The following PFN1 variants were observed in gnomAD, a reference collection of about 807,000 sequenced individuals.
PFN1 encodes the protein profilin 1.
In PFN1, 2 loss-of-function variants were observed where a neutral mutation model predicts 11.7. That is an observed-to-expected ratio of 0.17 (90% CI 0.07 to 0.54). PFN1 has a LOEUF of 0.54. Among genes scored for constraint, PFN1 ranks in the 20% least tolerant of loss-of-function variants. The probability of loss-of-function intolerance (pLI) is 0.94; values close to 1 mark genes in which losing one functional copy is unlikely to be tolerated. For synonymous variants in PFN1, 78 were observed against 76.2 expected (o/e 1.02, Z -0.12); for missense variants, 97 against 188.4 (o/e 0.51, Z 2.84).
chr17:4,945,936 A>T lies in PFN1; in HGVS notation c.387T>A (p.Tyr129Ter). 1 of 1,613,182 alleles carries T rather than the reference A, an allele frequency of 6.2e-7. No individual in the cohort carries two copies. The highest frequency in any genetic ancestry group is 8.5e-7 in the Non-Finnish European group (1 of 1,179,086). ...VHGGLINKKC[Y>*]EMASHLRRSQ... is the part of the protein sequence containing the mutation. Reference sequence around the variant, plus strand: ...AACGCCGAAGGTGGGAGGCCATTTCATAACATTTCTTGTTGATCAAACCAC... The same window carrying T: ...AACGCCGAAGGTGGGAGGCCATTTCTTAACATTTCTTGTTGATCAAACCAC... The change falls in exon 3 of 3, where the codon TAT becomes TAA. Residue 129 changes from tyrosine to a stop codon, truncating the protein, a stop_gained. Coordinates refer to ENST00000225655, the MANE Select transcript of PFN1 (RefSeq NM_005022.4). LOFTEE classifies it high-confidence loss of function.
intron 1 of PFN1, 75 bp downstream of exon 1, chr17:4,948,188 G>GC: frequency 1.3e-6 from 2 of 1,482,424 alleles, no homozygotes; most frequent in Non-Finnish European, 1.8e-6. Flanking sequence ...CCTAGACCGC[G>GC]CCCGCCCCCA....
In PFN1 at chr17:4,946,827, G is replaced by A. The variant is rs372420207; in HGVS notation, c.133-7C>T. The A allele has an allele frequency of 5.6e-6, 9 of 1,607,062 alleles. No individual in the cohort carries two copies. The African/African-American group carries it at 9.4e-5, about 17-fold the overall frequency. On this transcript the variant is annotated splice_polypyrimidine_tract_variant and splice_region_variant and intron_variant, in intron 1 of 2. Coordinates refer to ENST00000225655, the MANE Select transcript of PFN1 (RefSeq NM_005022.4). ...GGACACCCACCTCAGCTGGCTGGAA[G>A]AGGAACCAAGCGCCCATCAAGTTAG...
At position 4,946,620 on chromosome 17, in the gene PFN1, G is replaced by A; in HGVS notation, c.325+8C>T. The A allele has an allele frequency of 6.2e-7, 1 of 1,600,978 alleles. No individual in the cohort carries two copies. The highest frequency in any genetic ancestry group is 1.3e-5 in the African/African-American group (1 of 74,680). On this transcript the variant is annotated splice_region_variant and intron_variant, in intron 2 of 2. Transcript: ENST00000225655. ...GAGCTAAAGGAAGGGTAAGACTCAG[G>A]AACTCACTCTTGTCAGTCTTGGTGA... is the stretch of plus-strand genomic sequence containing the variant.
intron 2 of PFN1, among the ~76,000 whole-genome samples, chr17:4,946,369 A>G (rs116049647): frequency 1.9e-3 from 291 of 152,336 alleles, no homozygotes; most frequent in African/African-American, 6.6e-3. Flanking sequence ...ATACTCCTAG[A>G]AAACAGTTTC....
chr17:4,947,714 A>T (rs557401653), intron 1 of PFN1, among the ~76,000 whole-genome samples: 1 of 151,906 alleles, frequency 6.6e-6, no homozygotes, highest in South Asian at 2.1e-4. Flanking sequence ...GTTGAATCCA[A>T]CGTGCTGAGC....
intron 1 of PFN1, chr17:4,948,060 G>T: frequency 2.0e-6 from 1 of 506,860 alleles, no homozygotes; most frequent in Non-Finnish European, 3.3e-6. Context: ...TAGCGGGCGG[G>T]ATGGGCGCCG....
At chr17:4,946,132 C>T in intron 2 of PFN1, 135 bp from the exon 3 acceptor site, 1 of 629,748 alleles carries the variant, frequency 1.6e-6, no homozygotes, top group South Asian at 1.8e-5. Flanking sequence ...CCCCACCACA[C>T]ACAGGCAGGC....
chr17:4,947,099 A>G, intron 1 of PFN1: 1 of 246,360 alleles, frequency 4.1e-6, no homozygotes, highest in Non-Finnish European at 7.8e-6. Flanking sequence ...TTAATGGGGA[A>G]AGTAAACCCA....
At chr17:4,946,264 G>A (rs1212811349) in intron 2 of PFN1, among the ~76,000 whole-genome samples, 1 of 152,142 alleles carries the variant, frequency 6.6e-6, no homozygotes, top group Non-Finnish European at 1.5e-5. Flanking sequence ...ATGTGTTCAG[G>A]CTAGAAAGGG....
intron 2 of PFN1, 114 bp downstream of exon 2, chr17:4,946,514 T>G: frequency 1.3e-6 from 1 of 766,062 alleles, no homozygotes; most frequent in Non-Finnish European, 2.1e-6. Flanking sequence ...AACACAATAC[T>G]GGTCTGACTC....
intron 2 of PFN1, among the ~76,000 whole-genome samples, chr17:4,946,402 G>A (rs1475476879): frequency 1.3e-5 from 2 of 152,176 alleles, no homozygotes; most frequent in African/African-American, 4.8e-5. Flanking sequence ...AAGGCAGTAA[G>A]TAATTTAAGA....
chr17:4,948,509 G>C lies in PFN1; in HGVS notation c.-115C>G, dbSNP rs762660380. 7.4e-6 allele frequency: 9 copies of C among 1,210,566 alleles called. No homozygotes were observed. In the African/African-American group the frequency reaches 9.7e-5, roughly 13 times the overall value. The allele number at this position is 1,210,566 out of a possible 1,614,324, so 75.0% of individuals were successfully genotyped here. A position where few individuals can be genotyped will look rare whatever the true frequency, so the allele number is the denominator to read the frequency against. On this transcript the variant is annotated 5_prime_UTR_variant, in exon 1 of 3. Transcript: ENST00000225655. ...GAGCTCGGGGCACGCGCTGCCGTCC[G>C]GACCGCGGCTCCGCTCGCTGTGCAG...
At chr17:4,947,129 G>C in intron 1 of PFN1, 1 of 170,320 alleles carries the variant, frequency 5.9e-6, no homozygotes, top group Non-Finnish European at 1.2e-5. Flanking sequence ...GGGAGTCAGT[G>C]AGGTAAGTGA....
rs1175151136 is a variant in PFN1, at chr17:4,948,394, T to TGGCGCTGCTACTGGGGCTGCTCTC, written c.-24_-1dup. The TGGCGCTGCTACTGGGGCTGCTCTC allele has an allele frequency of 6.2e-7, 1 of 1,604,062 alleles. No homozygotes were observed. The highest frequency in any genetic ancestry group is 8.5e-7 in the Non-Finnish European group (1 of 1,177,304). ...TCGATGTAGGCGTTCCACCCGGCCA[T>TGGCGCTGCTACTGGGGCTGCTCTC]GGCGCTGCTACTGGGGCTGCTCTCG... On this transcript the variant is annotated 5_prime_UTR_variant, in exon 1 of 3. Transcript: ENST00000225655.
At position 4,948,250 on chromosome 17, in the gene PFN1, G is replaced by T; in HGVS notation, c.132+13C>A. ...CCGGAGCAGTGCCCCGGACCGCGCA[G>T]GCCTCGCAGTACCGTGATGTTGACG... On this transcript the variant is annotated intron_variant, in intron 1 of 2. Coordinates refer to ENST00000225655, the MANE Select transcript of PFN1 (RefSeq NM_005022.4). The T allele has an allele frequency of 1.9e-6, 3 of 1,595,398 alleles. No individual in the cohort carries two copies. The highest frequency in any genetic ancestry group is 2.6e-6 in the Non-Finnish European group (3 of 1,171,894).
intron 1 of PFN1, among the ~76,000 whole-genome samples, chr17:4,947,672 G>A (rs1159830022): frequency 3.9e-5 from 6 of 152,224 alleles, no homozygotes; most frequent in Non-Finnish European, 8.8e-5. Context: ...AAGGGAGGGC[G>A]AGGGGACTTC....
At position 4,948,474 on chromosome 17, in the gene PFN1, G is replaced by A. The variant is rs1015227240; in HGVS notation, c.-80C>T. The stretch of plus-strand genomic sequence containing the variant: ...CGAGCTGCCTCGGCTGGCGGGCGGG[G>A]GGAGGCGGAGAGCTCGGGGCACGCG... On this transcript the variant is annotated 5_prime_UTR_variant, in exon 1 of 3. Coordinates refer to ENST00000225655, the MANE Select transcript of PFN1 (RefSeq NM_005022.4). 10 of 1,441,342 alleles carry A rather than the reference G, an allele frequency of 6.9e-6. No individual in the cohort carries two copies. Among genetic ancestry groups the A allele is most frequent in the Non-Finnish European group, 8.2e-6 (9 of 1,100,084 alleles). The allele number at this position is 1,441,342 out of a possible 1,614,324, so 89.3% of individuals were successfully genotyped here. A position where few individuals can be genotyped will look rare whatever the true frequency, so the allele number is the denominator to read the frequency against.
At chr17:4,947,883 C>T (rs970351281) in intron 1 of PFN1, among the ~76,000 whole-genome samples, 6 of 152,134 alleles carry the variant, frequency 3.9e-5, no homozygotes, top group African/African-American at 1.4e-4. Flanking sequence ...GGACGGGGAG[C>T]TGGGGGTCCA....
intron 2 of PFN1, 123 bp from the exon 3 acceptor site, chr17:4,946,120 C>G: frequency 1.5e-6 from 1 of 659,998 alleles, no homozygotes. Flanking sequence ...CCCAACCCGC[C>G]CCCCCACCAC....
Sources: gnomAD v4.1 joint callset for allele counts (sites outside exome capture counted in the v4.1 genomes callset) on GRCh38, gnomAD v4.1.1 for gene constraint, MANE v1.5 for transcripts, NCBI Gene and HGNC (gene_info 2026-07-23, HGNC 2026-07-21) for gene names.